Variants in HMBOX1 observed in about 807,000 individuals in gnomAD.
HMBOX1 encodes homeobox-containing protein 1.
Under a neutral mutation model 54.5 loss-of-function variants are expected in HMBOX1, and 14 were observed. The ratio of observed to expected loss-of-function variants is 0.26; its 90% CI spans 0.17 to 0.40. The LOEUF (loss-of-function observed/expected upper bound fraction) is 0.40. Among genes scored for constraint, HMBOX1 ranks in the 10% least tolerant of loss-of-function variants. HMBOX1 has a pLI of 1.00. For missense variants in HMBOX1, 332 were observed against 514.4 expected (o/e 0.65, Z 3.43); for synonymous variants, 160 against 181.0 (o/e 0.88, Z 0.93).
chr8:28,913,310 C>T (rs1256262317), intron 1 of HMBOX1, among the ~76,000 whole-genome samples: 1 of 152,192 alleles, frequency 6.6e-6, no homozygotes, highest in Non-Finnish European at 1.5e-5. Flanking sequence ...AACATTATTA[C>T]TACTTTTCTT....
At chr8:28,980,273 A>AC in intron 4 of HMBOX1, 117 bp downstream of exon 4, 1 of 764,058 alleles carries the variant, frequency 1.3e-6, no homozygotes, top group Non-Finnish European at 2.3e-6. Context: ...ACTTAGGCAT[A>AC]ATTATGTATG....
intron 4 of HMBOX1, among the ~76,000 whole-genome samples, chr8:28,990,993 A>G (rs564974176): frequency 2.6e-5 from 4 of 152,288 alleles, no homozygotes; most frequent in African/African-American, 9.6e-5. Context: ...TTTTGTTATC[A>G]TAATAACGTT....
intron 1 of HMBOX1, among the ~76,000 whole-genome samples, chr8:28,892,236 G>A (rs575526134): frequency 1.6e-4 from 24 of 152,208 alleles, no homozygotes; most frequent in African/African-American, 5.8e-4. Flanking sequence ...TTAAAATTGT[G>A]CAATTAAGTT....
chr8:29,004,463 G>A (rs1833125095), intron 4 of HMBOX1, among the ~76,000 whole-genome samples: 1 of 152,204 alleles, frequency 6.6e-6, no homozygotes. Context: ...TGGTATTGGA[G>A]ACTCTGACAA....
intron 1 of HMBOX1, among the ~76,000 whole-genome samples, chr8:28,906,119 C>T (rs1045106821): frequency 2.5e-4 from 38 of 152,210 alleles, no homozygotes; most frequent in African/African-American, 8.9e-4. Context: ...TAGTAACCAA[C>T]ACCCATTGGG....
chr8:29,021,853 C>G (rs946426653), intron 6 of HMBOX1, among the ~76,000 whole-genome samples: 9 of 136,198 alleles, frequency 6.6e-5, no homozygotes, highest in African/African-American at 2.6e-4. Flanking sequence ...GAGCGAGACT[C>G]CGTCTCAAAA....
chr8:29,010,088 C>A, intron 5 of HMBOX1: 2 of 981,800 alleles, frequency 2.0e-6, no homozygotes, highest in Non-Finnish European at 2.4e-6. Context: ...CCCTAAAGGT[C>A]AGTTTCTCAA....
At chr8:29,047,933 G>A (rs1805841567) in intron 8 of HMBOX1, among the ~76,000 whole-genome samples, 1 of 152,058 alleles carries the variant, frequency 6.6e-6, no homozygotes, top group South Asian at 2.1e-4. Context: ...ACCACAGTTA[G>A]TATTATTTAC....
At chr8:28,894,595 C>T (rs1201400033) in intron 1 of HMBOX1, among the ~76,000 whole-genome samples, 1 of 152,108 alleles carries the variant, frequency 6.6e-6, no homozygotes. Flanking sequence ...CAGCTATTCC[C>T]CCACATTGCC....
At chr8:28,904,682 C>CTT (rs933350008) in intron 1 of HMBOX1, among the ~76,000 whole-genome samples, 2 of 141,756 alleles carry the variant, frequency 1.4e-5, no homozygotes, top group Non-Finnish European at 3.1e-5. Flanking sequence ...TCTTCACACT[C>CTT]TTTTTTTTTT....
rs555956437 is a variant in HMBOX1 at position 28,947,649 on chromosome 8, C to T, written c.-57-16162C>T. Among the ~76,000 whole-genome samples, 32 of 152,310 alleles carry T rather than the reference C, an allele frequency of 2.1e-4. No homozygotes were observed. In the East Asian group the frequency reaches 5.6e-3, roughly 27 times the overall value. ...CTACCGTTAGCAATTCATGCTAAAT[C>T]TCTTGTTAAATTGGATTATCCCTAC... On this transcript the variant is annotated intron_variant, in intron 1 of 9. Transcript: ENST00000287701.
Position 28,930,815 on chromosome 8 carries a change from A to G in HMBOX1, c.-57-32996A>G, listed in dbSNP as rs17059548. 3.6e-3 allele frequency among the ~76,000 whole-genome samples: 546 copies of G among 152,286 alleles called. 4 individuals carry two copies. Among genetic ancestry groups the G allele is most frequent in the African/African-American group, 0.012 (490 of 41,554 alleles). ...ATCAGTTGTAACATATATTTTTTATACCATGTGTTATTTAGCCTGTGCATC... is the reference window on the plus strand; with the variant it reads ...ATCAGTTGTAACATATATTTTTTATGCCATGTGTTATTTAGCCTGTGCATC... On this transcript the variant is annotated intron_variant, in intron 1 of 9. Transcript: ENST00000287701.
chr8:28,970,162 A>G lies in HMBOX1; in HGVS notation c.143A>G (p.Glu48Gly). 1 of 1,614,182 alleles carries G rather than the reference A, an allele frequency of 6.2e-7. No individual in the cohort carries two copies. The highest frequency in any genetic ancestry group is 8.5e-7 in the Non-Finnish European group (1 of 1,180,016). ...AAACATGAAATTCTCCATGCCTTGG[A>G]AACTTTGGACCGTCTTGATCAAGAG... ...MTKHEILHAL[E>G]TLDRLDQEHS... Residue 48 changes from glutamate (E) to glycine (G), a missense_variant, in exon 3 of 10, where the codon GAA becomes GGA. Glu to Gly is a moderately conservative substitution (Grantham distance 98). Coordinates refer to ENST00000287701, the MANE Select transcript of HMBOX1 (RefSeq NM_001135726.3). The surrounding 1 kb of genome is among the most constrained non-coding windows in gnomAD (Gnocchi z 4.3).
Position 28,959,796 on chromosome 8 carries a change from A to G in HMBOX1, c.-57-4015A>G, listed in dbSNP as rs113976701. Among the ~76,000 whole-genome samples, 839 of 152,270 alleles carry G rather than the reference A, an allele frequency of 5.5e-3. 4 individuals carry two copies. The highest frequency in any genetic ancestry group is 0.018 in the African/African-American group (743 of 41,574). On this transcript the variant is annotated intron_variant, in intron 1 of 9. Coordinates refer to ENST00000287701, the MANE Select transcript of HMBOX1 (RefSeq NM_001135726.3). Reference sequence around the variant, plus strand: ...TCAGCTGATTTTGATGCCTCTTTCTATAGATTCTTAATTACCTTTATTTTA... The same window carrying G: ...TCAGCTGATTTTGATGCCTCTTTCTGTAGATTCTTAATTACCTTTATTTTA...
At chr8:28,950,083 T>G (rs1434761780) in intron 1 of HMBOX1, among the ~76,000 whole-genome samples, 2 of 152,240 alleles carry the variant, frequency 1.3e-5, no homozygotes, top group Non-Finnish European at 2.9e-5. Flanking sequence ...TCATTAAATG[T>G]ATTTCATCAA....
intron 4 of HMBOX1, among the ~76,000 whole-genome samples, chr8:28,988,700 TA>T (rs1210425107): frequency 1.3e-5 from 2 of 152,222 alleles, no homozygotes; most frequent in African/African-American, 4.8e-5. Flanking sequence ...AGCATCTTTT[TA>T]TATGATCATT....
intron 1 of HMBOX1, among the ~76,000 whole-genome samples, chr8:28,947,176 G>A (rs954135805): frequency 6.6e-6 from 1 of 152,120 alleles, no homozygotes; most frequent in Non-Finnish European, 1.5e-5. Context: ...TGTTAGCAAG[G>A]CAATATAAAA....
In HMBOX1 at chr8:29,051,646, T is replaced by C. The variant is rs1806439956; in HGVS notation, c.*491T>C. 3 of 702,368 alleles carry C rather than the reference T, an allele frequency of 4.3e-6. No homozygotes were observed. The highest frequency in any genetic ancestry group is 7.8e-6 in the Non-Finnish European group (3 of 384,664). 43.5% of individuals were successfully genotyped at this position (702,368 alleles called of 1,614,324 possible). ...TCAAAGGAACACTAGAATCCCCACC[T>C]CAGCGTGAGGATAATTGATTTCCAG... is the stretch of plus-strand genomic sequence containing the variant. On this transcript the variant is annotated 3_prime_UTR_variant, in exon 10 of 10. Transcript: ENST00000287701.
chr8:29,034,511 A>G (rs1803524735), intron 6 of HMBOX1, among the ~76,000 whole-genome samples: 1 of 152,210 alleles, frequency 6.6e-6, no homozygotes, highest in South Asian at 2.1e-4. Context: ...CAGTATTAAT[A>G]TAAGTAGCAT....
Sources: gnomAD v4.1 joint callset for allele counts (sites outside exome capture counted in the v4.1 genomes callset) on GRCh38, gnomAD v4.1.1 for gene constraint, Gnocchi (gnomAD v3.1) non-coding constraint, MANE v1.5 for transcripts, NCBI Gene and HGNC (gene_info 2026-07-23, HGNC 2026-07-21) for gene names.